Variants in LAMA4 observed in about 807,000 individuals in gnomAD.
LAMA4 encodes laminin subunit alpha 4.
In LAMA4, 127 loss-of-function variants were observed where a neutral mutation model predicts 207.1. The observed-to-expected ratio is 0.61, with a 90% CI of 0.53 to 0.71. The LOEUF (loss-of-function observed/expected upper bound fraction) is 0.71. Among genes scored for constraint, LAMA4 ranks in the 30% least tolerant of loss-of-function variants. LAMA4 has a pLI of 0.00. For missense variants in LAMA4, 2,093 were observed against 2,246.5 expected (o/e 0.93, Z 1.38); for synonymous variants, 761 against 816.0 (o/e 0.93, Z 1.15).
At chr6:112,208,834 T>C (rs369223454) in intron 3 of LAMA4, among the ~76,000 whole-genome samples, 18 of 152,240 alleles carry the variant, frequency 1.2e-4, no homozygotes, top group African/African-American at 4.1e-4. Flanking sequence ...ATTAAAATTA[T>C]GTCTGCAAAG....
intron 33 of LAMA4, among the ~76,000 whole-genome samples, chr6:112,119,610 G>A (rs1018134852): frequency 2.0e-5 from 3 of 152,048 alleles, no homozygotes; most frequent in African/African-American, 7.2e-5. Flanking sequence ...ATGCATAGGT[G>A]TATTTTTTTC....
chr6:112,141,923 CCCA>C (rs1554333403), intron 20 of LAMA4, among the ~76,000 whole-genome samples, 193 bp downstream of exon 20: 1 of 152,088 alleles, frequency 6.6e-6, no homozygotes, highest in Non-Finnish European at 1.5e-5. Flanking sequence ...GGAAACAATC[CCCA>C]CAATATCCCA....
chr6:112,167,170 T>C (rs1395027271), intron 12 of LAMA4, among the ~76,000 whole-genome samples: 1 of 152,224 alleles, frequency 6.6e-6, no homozygotes, highest in Non-Finnish European at 1.5e-5. Flanking sequence ...TGGTTTTGTA[T>C]GATAACTGAA....
intron 5 of LAMA4, among the ~76,000 whole-genome samples, chr6:112,199,589 C>A (rs913743563): frequency 2.0e-5 from 3 of 152,100 alleles, no homozygotes; most frequent in African/African-American, 7.2e-5. Context: ...TCAGTCCCTC[C>A]TAATAGATGA....
intron 33 of LAMA4, among the ~76,000 whole-genome samples, chr6:112,119,779 C>G (rs74995873): frequency 0.01 from 1,597 of 152,308 alleles, 23 homozygotes; most frequent in African/African-American, 0.034. Context: ...CACATATAGA[C>G]AGAACAGGCC....
At chr6:112,119,517 G>T (rs2114585268) in intron 33 of LAMA4, among the ~76,000 whole-genome samples, 1 of 152,284 alleles carries the variant, frequency 6.6e-6, no homozygotes, top group South Asian at 2.1e-4. Flanking sequence ...TGGAATGGCA[G>T]AAACTTTATC....
chr6:112,207,050 C>A lies in LAMA4; in HGVS notation c.393G>T (p.Pro131=). The change falls in exon 4 of 39, where the codon CCG becomes CCT. Residue 131 remains proline, a synonymous_variant. Transcript: ENST00000230538. ...CCAAGTGGGGCAGGGGACAGGGGCA[C>A]GGCTGGCAGAATTGGGGTGCTCCCC... ...SIRGAPQFCQ[P]CPCPLPHLAN... 1.2e-6 allele frequency: 2 copies of A among 1,613,904 alleles called. No individual in the cohort carries two copies. The highest frequency in any genetic ancestry group is 8.5e-7 in the Non-Finnish European group (1 of 1,179,944).
At chr6:112,169,036 G>T (rs1008321572) in intron 12 of LAMA4, among the ~76,000 whole-genome samples, 2 of 152,234 alleles carry the variant, frequency 1.3e-5, no homozygotes, top group African/African-American at 4.8e-5. Flanking sequence ...CACTGGAACA[G>T]TAGGTGGACT....
chr6:112,239,321 CAA>C (rs1202967086), intron 2 of LAMA4, among the ~76,000 whole-genome samples: 4 of 78,244 alleles, frequency 5.1e-5, no homozygotes, highest in East Asian at 4.8e-4. Flanking sequence ...GACTCCATCT[CAA>C]AAAAAAAAAA....
intron 2 of LAMA4, among the ~76,000 whole-genome samples, chr6:112,249,441 CAAAAAAAAAAAAAA>C (rs71762704): frequency 3.8e-5 from 2 of 52,758 alleles, no homozygotes; most frequent in African/African-American, 6.9e-5. Flanking sequence ...GACTCTGTTT[CAAAAAAAAAAAAAA>C]AAAAAAAAAA....
At chr6:112,165,807 C>CA (rs1781351510) in intron 12 of LAMA4, among the ~76,000 whole-genome samples, 1 of 152,190 alleles carries the variant, frequency 6.6e-6, no homozygotes, top group Admixed American at 6.5e-5. Flanking sequence ...TCATACCTCT[C>CA]AGAGCTCTTT....
At chr6:112,161,497 C>G (rs1554338369) in intron 13 of LAMA4, among the ~76,000 whole-genome samples, 1 of 152,106 alleles carries the variant, frequency 6.6e-6, no homozygotes, top group African/African-American at 2.4e-5. Context: ...ATGGACATAC[C>G]ACTTTTACTC....
At chr6:112,186,669 T>A (rs1782700327) in intron 8 of LAMA4, 1 of 407,536 alleles carries the variant, frequency 2.5e-6, no homozygotes, top group African/African-American at 2.1e-5. Flanking sequence ...AGATTACTTA[T>A]AATACCACTT....
At chr6:112,205,565 T>TAA (rs149461934) in intron 4 of LAMA4, among the ~76,000 whole-genome samples, 6 of 151,872 alleles carry the variant, frequency 4.0e-5, no homozygotes, top group Non-Finnish European at 8.8e-5. Flanking sequence ...TGTGGCATAA[T>TAA]AAAAAAAACA....
chr6:112,202,563 AT>A (rs1783819595), intron 4 of LAMA4, among the ~76,000 whole-genome samples: 1 of 152,122 alleles, frequency 6.6e-6, no homozygotes, highest in African/African-American at 2.4e-5. Context: ...ATGTATCAGC[AT>A]TTCTTACCCT....
At chr6:112,120,207 G>T in intron 33 of LAMA4, 76 bp downstream of exon 33, 1 of 1,152,254 alleles carries the variant, frequency 8.7e-7, no homozygotes, top group Non-Finnish European at 1.3e-6. Flanking sequence ...TCTAGAGAGA[G>T]TAATGGAGGC....
chr6:112,127,410 C>T (rs1214179155), intron 31 of LAMA4, among the ~76,000 whole-genome samples: 2 of 151,730 alleles, frequency 1.3e-5, no homozygotes, highest in East Asian at 3.9e-4. Flanking sequence ...TGTGCAGATA[C>T]TTGGGAGAAG....
At chr6:112,184,990 G>A (rs535725526) in intron 9 of LAMA4, among the ~76,000 whole-genome samples, 3 of 152,140 alleles carry the variant, frequency 2.0e-5, no homozygotes, top group Admixed American at 6.5e-5. Context: ...TCAACCCACC[G>A]CAAATACACA....
At chr6:112,116,820 G>A (rs1778046546) in intron 35 of LAMA4, among the ~76,000 whole-genome samples, 1 of 152,162 alleles carries the variant, frequency 6.6e-6, no homozygotes, top group African/African-American at 2.4e-5. Context: ...TGTCCAAACT[G>A]TTAAGAGTTC....
Sources: allele counts gnomAD v4.1 joint callset (sites outside exome capture counted in the v4.1 genomes callset), GRCh38; gene constraint gnomAD v4.1.1; transcripts MANE v1.5; gene names NCBI Gene and HGNC (gene_info 2026-07-23, HGNC 2026-07-21).